FAM193A: variants seen among roughly 807,000 people sequenced by gnomAD.
FAM193A encodes the protein family with sequence similarity 193 member A.
A neutral mutation model predicts 126.5 loss-of-function variants in FAM193A; 22 were observed. The ratio of observed to expected loss-of-function variants is 0.17; its 90% CI spans 0.12 to 0.25. FAM193A has a LOEUF of 0.25. Among genes scored for constraint, FAM193A ranks in the 10% least tolerant of loss-of-function variants. The pLI is 1.00. For synonymous variants in FAM193A, 761 were observed against 646.8 expected (o/e 1.18, Z -2.68); for missense variants, 1,675 against 1,672.8 (o/e 1.00, Z -0.02).
At chr4:2,583,988 T>C (rs1740092828) in intron 1 of FAM193A, among the ~76,000 whole-genome samples, 1 of 152,166 alleles carries the variant, frequency 6.6e-6, no homozygotes, top group Non-Finnish European at 1.5e-5. Context: ...GTTTACCAAT[T>C]TTTTTAATGA....
At chr4:2,645,316 A>AT (rs938952503) in intron 6 of FAM193A, among the ~76,000 whole-genome samples, 4 of 151,924 alleles carry the variant, frequency 2.6e-5, no homozygotes, top group Non-Finnish European at 5.9e-5. Context: ...AGGAACATGA[A>AT]TTTTTTCTGG....
chr4:2,552,035 A>G (rs1240843868), intron 1 of FAM193A, among the ~76,000 whole-genome samples: 23 of 135,474 alleles, frequency 1.7e-4, no homozygotes, highest in African/African-American at 5.8e-4. Flanking sequence ...TTTTCGAGAC[A>G]GAGTCTTGCT....
chr4:2,727,891 G>A (rs576169511), intron 20 of FAM193A, among the ~76,000 whole-genome samples: 1 of 151,782 alleles, frequency 6.6e-6, no homozygotes, highest in African/African-American at 2.4e-5. Context: ...ACAGTTCATT[G>A]CTGGGACTAC....
chr4:2,710,297 C>T (rs1252457430), intron 19 of FAM193A, among the ~76,000 whole-genome samples: 7 of 150,128 alleles, frequency 4.7e-5, no homozygotes, highest in African/African-American at 1.7e-4. Flanking sequence ...GCCTCAGCCT[C>T]CCGAGTAGCT....
chr4:2,692,807 C>G, intron 15 of FAM193A, among the ~76,000 whole-genome samples: 1 of 142,702 alleles, frequency 7.0e-6, no homozygotes, highest in Non-Finnish European at 1.5e-5. Flanking sequence ...TGTTAAATGC[C>G]AGTGAGGTGA....
chr4:2,591,796 C>G (rs776427327), intron 1 of FAM193A, among the ~76,000 whole-genome samples: 7 of 152,134 alleles, frequency 4.6e-5, no homozygotes, highest in Non-Finnish European at 1.0e-4. Flanking sequence ...GATACACACA[C>G]ACCTCCCACC....
intron 4 of FAM193A, among the ~76,000 whole-genome samples, chr4:2,627,723 G>T (rs1439858757): frequency 1.3e-5 from 2 of 150,036 alleles, no homozygotes; most frequent in South Asian, 4.2e-4. Flanking sequence ...GATTACAGGC[G>T]CCTGCCACTG....
rs1177164624 is a variant in FAM193A at position 2,729,261 on chromosome 4, G to A, written c.4455-2514G>A. Among the ~76,000 whole-genome samples, 10 of 152,218 alleles carry A rather than the reference G, an allele frequency of 6.6e-5. No homozygotes were observed. In the South Asian group the frequency reaches 1.2e-3, roughly 19 times the overall value. The stretch of plus-strand genomic sequence containing the variant: ...TGTGACCTTCCAGGTACTTTACACC[G>A]GGAAGGGAAGATCGCCTCAGGTGAG... On this transcript the variant is annotated intron_variant, in intron 20 of 20. Coordinates refer to ENST00000637812, the MANE Select transcript of FAM193A (RefSeq NM_001366318.2).
chr4:2,595,985 C>T (rs1472450759), intron 1 of FAM193A, 99 bp from the exon 2 acceptor site: 3 of 606,938 alleles, frequency 4.9e-6, no homozygotes, highest in Non-Finnish European at 8.8e-6. Context: ...TGTATATAAA[C>T]ATACACATGC....
chr4:2,721,100 C>A (rs1720090056), intron 20 of FAM193A, among the ~76,000 whole-genome samples: 1 of 151,862 alleles, frequency 6.6e-6, no homozygotes, highest in Non-Finnish European at 1.5e-5. Flanking sequence ...GATCACGAGG[C>A]CAGGAGCTCG....
At chr4:2,565,129 G>GT (rs368884444) in intron 1 of FAM193A, among the ~76,000 whole-genome samples, 93 of 149,888 alleles carry the variant, frequency 6.2e-4, no homozygotes, top group Middle Eastern at 3.5e-3. Flanking sequence ...GTGTTAGCCT[G>GT]TTTTTTTTTG....
intron 2 of FAM193A, among the ~76,000 whole-genome samples, chr4:2,608,892 C>T (rs1577069466): frequency 7.2e-6 from 1 of 138,118 alleles, no homozygotes; most frequent in African/African-American, 2.7e-5. Context: ...TGAATTTCAC[C>T]TTTTTTTTTT....
chr4:2,596,395 G>A, intron 2 of FAM193A, 66 bp downstream of exon 2: 1 of 666,806 alleles, frequency 1.5e-6, no homozygotes, highest in South Asian at 1.6e-5. Context: ...TGGGGTAACT[G>A]GCAGTGAAAG....
rs1476048644 is a variant in FAM193A, at chr4:2,700,526, A to C, written c.4354A>C (p.Arg1452=). 1.2e-6 allele frequency: 2 copies of C among 1,611,194 alleles called. No individual in the cohort carries two copies. The highest frequency in any genetic ancestry group is 1.7e-6 in the Non-Finnish European group (2 of 1,179,162). ...NKKNKKKKGD[R]VNNSIDDVFL... ...GAAAAATAAGAAGAAGAAAGGAGAC[A>C]GAGTCAACAATTCAATTGGTAAATA... The change falls in exon 19 of 21, where the codon AGA becomes CGA. Residue 1452 remains arginine (R), a synonymous_variant. Coordinates refer to ENST00000637812, the MANE Select transcript of FAM193A (RefSeq NM_001366318.2).
chr4:2,547,866 C>G (rs1284167454), intron 1 of FAM193A, among the ~76,000 whole-genome samples: 2 of 151,628 alleles, frequency 1.3e-5, no homozygotes, highest in African/African-American at 4.8e-5. Context: ...CTTAAGTGAT[C>G]TGCCCACCTT....
At chr4:2,605,453 T>A (rs927317532) in intron 2 of FAM193A, among the ~76,000 whole-genome samples, 2 of 152,214 alleles carry the variant, frequency 1.3e-5, no homozygotes, top group Admixed American at 6.5e-5. Flanking sequence ...TTGAGAGTCA[T>A]AAATCTTGTT....
At chr4:2,552,152 C>G (rs966498910) in intron 1 of FAM193A, among the ~76,000 whole-genome samples, 1 of 151,644 alleles carries the variant, frequency 6.6e-6, no homozygotes, top group Non-Finnish European at 1.5e-5. Context: ...GCTGGGACTA[C>G]AGGTGCCCAC....
chr4:2,619,288 G>A (rs1048747435), intron 2 of FAM193A, among the ~76,000 whole-genome samples: 2 of 151,686 alleles, frequency 1.3e-5, no homozygotes, highest in Non-Finnish European at 2.9e-5. Context: ...TTTTTGGGGA[G>A]ATCTGTTTCT....
intron 19 of FAM193A, among the ~76,000 whole-genome samples, chr4:2,707,633 T>TA (rs1039699353): frequency 2.0e-5 from 3 of 151,986 alleles, no homozygotes; most frequent in African/African-American, 7.2e-5. Flanking sequence ...CCCGTTTCTT[T>TA]AAAAAAAATT....
Sources: gnomAD v4.1 joint callset for allele counts (sites outside exome capture counted in the v4.1 genomes callset) on GRCh38, gnomAD v4.1.1 for gene constraint, MANE v1.5 for transcripts, NCBI Gene and HGNC (gene_info 2026-07-23, HGNC 2026-07-21) for gene names.